NRK: variants seen among roughly 807,000 people sequenced by gnomAD.
The protein encoded by NRK is nik-related protein kinase.
NRK carries 67 observed loss-of-function variants against 125.2 expected under a neutral mutation model. The observed-to-expected ratio is 0.54, with a 90% CI of 0.44 to 0.66. NRK has a LOEUF of 0.66. Among genes scored for constraint, NRK ranks in the 30% least tolerant of loss-of-function variants. The pLI is 0.00. For synonymous variants in NRK, 458 were observed against 429.0 expected (o/e 1.07, Z -0.84); for missense variants, 1,224 against 1,192.9 (o/e 1.03, Z -0.38).
intron 2 of NRK, among the ~76,000 whole-genome samples, chrX:105,840,578 G>GT (rs1317894411): frequency 2.7e-5 from 3 of 111,062 alleles, no homozygotes; most frequent in African/African-American, 9.8e-5. Context: ...TTTATGAAAT[G>GT]TAAGTATAAA....
intron 9 of NRK, among the ~76,000 whole-genome samples, chrX:105,905,024 T>TAAG (rs1009099775): frequency 8.9e-6 from 1 of 112,606 alleles, no homozygotes; most frequent in African/African-American, 3.2e-5. Flanking sequence ...ATATTTTGTC[T>TAAG]AGTTTATTAT....
rs71932033 is a variant in NRK, at chrX:105,830,314, CAAAAAAAAAAAAAA to C, written c.58-722_58-709del. On this transcript the variant is annotated intron_variant, in intron 1 of 28. Coordinates refer to ENST00000243300, the MANE Select transcript of NRK (RefSeq NM_198465.4). ...GGGCAACAAGAGTGAAACTCCGTCG[CAAAAAAAAAAAAAA>C]AAAAAAAAAAAAAAAAAGAAGAAGA... 1.7e-3 allele frequency among the ~76,000 whole-genome samples: 19 copies of C among 11,051 alleles called. No homozygotes were observed. In the South Asian group the frequency reaches 0.074, roughly 43 times the overall value. The allele number at this position is 11,051 out of a possible 115,157, so 9.6% of individuals were successfully genotyped here.
At chrX:105,854,809 C>T (rs763597797) in intron 2 of NRK, among the ~76,000 whole-genome samples, 1 of 111,787 alleles carries the variant, frequency 8.9e-6, no homozygotes, top group Non-Finnish European at 1.9e-5. Context: ...TAAGCATGAG[C>T]TTTGGAATCG....
At chrX:105,828,513 C>G (rs981089356) in intron 1 of NRK, among the ~76,000 whole-genome samples, 3 of 112,028 alleles carry the variant, frequency 2.7e-5, no homozygotes, top group Non-Finnish European at 5.6e-5. Context: ...AAAGCTTGTA[C>G]AGATGTTACA....
intron 6 of NRK, among the ~76,000 whole-genome samples, chrX:105,894,678 C>T (rs1286402194): frequency 1.8e-5 from 2 of 111,918 alleles, no homozygotes; most frequent in African/African-American, 3.2e-5. Flanking sequence ...TTCCAAGGCT[C>T]ACTTTCCTCA....
At chrX:105,852,082 T>G (rs752216417) in intron 2 of NRK, among the ~76,000 whole-genome samples, 2 of 112,154 alleles carry the variant, frequency 1.8e-5, no homozygotes, top group South Asian at 3.7e-4. Flanking sequence ...AACGACTTTC[T>G]CAATCTTTTT....
chrX:105,830,918 T>G, intron 1 of NRK, 136 bp from the exon 2 acceptor site: 1 of 416,908 alleles, frequency 2.4e-6, no homozygotes, highest in Non-Finnish European at 4.1e-6. Context: ...ACATGGCACA[T>G]GTATACATAT....
intron 2 of NRK, among the ~76,000 whole-genome samples, chrX:105,877,594 C>G (rs1336702274): frequency 1.8e-5 from 2 of 110,504 alleles, no homozygotes; most frequent in African/African-American, 6.6e-5. Flanking sequence ...ACAGGGGGAA[C>G]TCTTCTGAAA....
intron 8 of NRK, among the ~76,000 whole-genome samples, chrX:105,900,191 C>T (rs372133455): frequency 2.8e-5 from 3 of 105,779 alleles, no homozygotes; most frequent in African/African-American, 1.1e-4. Flanking sequence ...CACACACACA[C>T]ACATATCAGT....
chrX:105,934,116 T>A, intron 19 of NRK, 142 bp from the exon 20 acceptor site: 1 of 378,817 alleles, frequency 2.6e-6, no homozygotes, highest in Non-Finnish European at 4.5e-6. Context: ...CATTGTTGAG[T>A]TTTTCTAGTA....
At chrX:105,844,017 GTC>G (rs1555978605) in intron 2 of NRK, among the ~76,000 whole-genome samples, 22 of 85,360 alleles carry the variant, frequency 2.6e-4, no homozygotes, top group East Asian at 9.8e-4. Context: ...GTGTGTGTGT[GTC>G]TGTGTGTGTG....
At chrX:105,835,057 T>A (rs922478057) in intron 2 of NRK, among the ~76,000 whole-genome samples, 1 of 111,995 alleles carries the variant, frequency 8.9e-6, no homozygotes, top group African/African-American at 3.2e-5. Context: ...GAATGTTTTT[T>A]ATTTTACTTT....
At chrX:105,928,601 A>C (rs1483698594) in intron 19 of NRK, among the ~76,000 whole-genome samples, 1 of 110,258 alleles carries the variant, frequency 9.1e-6, no homozygotes, top group Non-Finnish European at 1.9e-5. Context: ...AAATCTTTCT[A>C]CTTTTTTAAT....
intron 2 of NRK, among the ~76,000 whole-genome samples, chrX:105,851,948 T>C (rs915742390): frequency 8.9e-6 from 1 of 111,977 alleles, no homozygotes; most frequent in Admixed American, 9.5e-5. Flanking sequence ...CCATTTAGGC[T>C]ACATAGTATT....
At chrX:105,910,490 C>T (rs907186037) in intron 13 of NRK, among the ~76,000 whole-genome samples, 15 of 112,367 alleles carry the variant, frequency 1.3e-4, no homozygotes, top group East Asian at 8.4e-4. Flanking sequence ...CCTCACAGAA[C>T]GTGAAACAAT....
rs1417192904 is a variant in NRK, at chrX:105,892,075, C to T, written c.379-1757C>T. Among the ~76,000 whole-genome samples, 13 of 111,702 alleles carry T rather than the reference C, an allele frequency of 1.2e-4. 1 individual carries two copies. Among genetic ancestry groups the T allele is most frequent in the Non-Finnish European group, 3.8e-5 (2 of 53,110 alleles). ...TCAACATATATCAATTGAAAACTAT[C>T]TATTTGTCAGGTGTTGTGCTAGATG... On this transcript the variant is annotated intron_variant, in intron 5 of 28. Coordinates refer to ENST00000243300, the MANE Select transcript of NRK (RefSeq NM_198465.4).
At chrX:105,878,907 AAAAC>A (rs1463931822) in intron 2 of NRK, among the ~76,000 whole-genome samples, 4 of 111,244 alleles carry the variant, frequency 3.6e-5, no homozygotes, top group Non-Finnish European at 7.6e-5. Context: ...TGGATGGCTT[AAAAC>A]AAACAAAATG....
intron 4 of NRK, among the ~76,000 whole-genome samples, chrX:105,888,084 G>T (rs2039970319): frequency 8.9e-6 from 1 of 112,233 alleles, no homozygotes; most frequent in East Asian, 2.8e-4. Flanking sequence ...TGAACTAAAC[G>T]ATCTTCAGTT....
intron 2 of NRK, among the ~76,000 whole-genome samples, chrX:105,867,744 G>A (rs1360199321): frequency 8.9e-6 from 1 of 111,802 alleles, no homozygotes; most frequent in Non-Finnish European, 1.9e-5. Context: ...TATTATAGCA[G>A]TAATTTATGG....
Sources: gnomAD v4.1 joint callset for allele counts (sites outside exome capture counted in the v4.1 genomes callset) on GRCh38, gnomAD v4.1.1 for gene constraint, MANE v1.5 for transcripts, NCBI Gene and HGNC (gene_info 2026-07-23, HGNC 2026-07-21) for gene names.